Variants in RNF4 observed in about 807,000 individuals in gnomAD.
RNF4 encodes the protein ring finger protein 4.
RNF4 carries 7 observed loss-of-function variants against 24.3 expected under a neutral mutation model. The observed-to-expected ratio is 0.29, with a 90% confidence interval of 0.16 to 0.54. The LOEUF (loss-of-function observed/expected upper bound fraction) is 0.54, where lower values mean the gene tolerates loss of function less well. Ranked by LOEUF, RNF4 falls within the 20% of genes least tolerant of loss-of-function variation. RNF4 has a pLI of 0.95. For missense variants in RNF4, 209 were observed against 248.5 expected, an observed-to-expected ratio of 0.84 and a Z score of 1.07; for synonymous variants, 83 against 84.3, an observed-to-expected ratio of 0.98 and a Z score of 0.09.
At chr4:2,474,790 C>T (rs570863194) in intron 1 of RNF4, among the ~76,000 whole-genome samples, 6 of 152,136 alleles carry the variant, frequency 3.9e-5, no homozygotes, top group East Asian at 3.9e-4. Flanking sequence ...TTTAGGAGGC[C>T]GAGGCAGGCG....
intron 2 of RNF4, among the ~76,000 whole-genome samples, chr4:2,491,689 C>T (rs1168357485): frequency 1.3e-5 from 2 of 151,996 alleles, no homozygotes; most frequent in Admixed American, 1.3e-4. Context: ...TGATCTTGGC[C>T]TCCCAAAGTG....
chr4:2,475,120 C>T (rs1290384286), intron 1 of RNF4, among the ~76,000 whole-genome samples: 1 of 152,252 alleles, frequency 6.6e-6, no homozygotes, highest in Non-Finnish European at 1.5e-5. Flanking sequence ...CAAGACCCTT[C>T]ACCAGCAAAA....
intron 1 of RNF4, among the ~76,000 whole-genome samples, chr4:2,472,240 A>G (rs1459233796): frequency 6.6e-6 from 1 of 152,240 alleles, no homozygotes; most frequent in Non-Finnish European, 1.5e-5. Context: ...AAGCCTGTAT[A>G]GTAGCATATC....
chr4:2,490,571 A>G, intron 2 of RNF4, 69 bp downstream of exon 2: 3 of 1,521,210 alleles, frequency 2.0e-6, no homozygotes, highest in Non-Finnish European at 2.7e-6. Flanking sequence ...CTTGTAGCAC[A>G]TTAGTGAAAG....
intron 1 of RNF4, among the ~76,000 whole-genome samples, chr4:2,478,368 C>G (rs1414966937): frequency 6.6e-6 from 1 of 152,216 alleles, no homozygotes; most frequent in East Asian, 1.9e-4. Context: ...AACAGGGAGC[C>G]AAACGTTAAT....
In RNF4 at chr4:2,512,704, C is replaced by G; in HGVS notation, c.374+107C>G. 7.7e-7 allele frequency: 1 copy of G among 1,303,156 alleles called. No homozygotes were observed. The highest frequency in any genetic ancestry group is 1.4e-5 in the South Asian group (1 of 69,362). The allele number at this position is 1,303,156 out of a possible 1,614,324, so 80.7% of individuals were successfully genotyped here. A position where few individuals can be genotyped will look rare whatever the true frequency, so the allele number is the denominator to read the frequency against. On this transcript the variant is annotated intron_variant, in intron 6 of 7. Coordinates refer to ENST00000314289, the MANE Select transcript of RNF4 (RefSeq NM_002938.5). The surrounding 1 kb of genome is among the most constrained non-coding windows in gnomAD (Gnocchi z 4.1). The stretch of plus-strand genomic sequence containing the variant: ...AGCCCTTGGCCCTGGAAGGGCTTGC[C>G]CAAGCCTCTACCCAGCATCTGGATA...
chr4:2,490,417 G>C lies in RNF4; in HGVS notation c.-77G>C. The C allele has an allele frequency of 6.7e-7, 1 of 1,487,168 alleles. No individual in the cohort carries two copies. The highest frequency in any genetic ancestry group is 9.3e-7 in the Non-Finnish European group (1 of 1,077,348). The allele number at this position is 1,487,168 out of a possible 1,614,324, so 92.1% of individuals were successfully genotyped here. ...GTAACCAGAGGGCATGAAAGGTTGAGAACATTTGACTTCCCTGCAAACCTT... is the reference window on the plus strand; with the variant it reads ...GTAACCAGAGGGCATGAAAGGTTGACAACATTTGACTTCCCTGCAAACCTT... On this transcript the variant is annotated 5_prime_UTR_variant, in exon 2 of 8. Coordinates refer to ENST00000314289, the MANE Select transcript of RNF4 (RefSeq NM_002938.5).
chr4:2,496,708 C>T (rs1042116137), intron 2 of RNF4, among the ~76,000 whole-genome samples: 1 of 152,166 alleles, frequency 6.6e-6, no homozygotes, highest in Non-Finnish European at 1.5e-5. Flanking sequence ...ATTCGCCCAC[C>T]TCAGCCTCCG....
chr4:2,478,434 C>G (rs1735147258), intron 1 of RNF4, among the ~76,000 whole-genome samples: 1 of 152,214 alleles, frequency 6.6e-6, no homozygotes, highest in African/African-American at 2.4e-5. Flanking sequence ...TTCATGGCAG[C>G]CCCTCCCATC....
At chr4:2,482,243 A>G (rs1203184812) in intron 1 of RNF4, among the ~76,000 whole-genome samples, 2 of 152,188 alleles carry the variant, frequency 1.3e-5, no homozygotes, top group Non-Finnish European at 2.9e-5. Context: ...TATGGGTCAA[A>G]TAATCAGATT....
chr4:2,491,915 T>C (rs1351759125), intron 2 of RNF4, among the ~76,000 whole-genome samples: 1 of 150,628 alleles, frequency 6.6e-6, no homozygotes, highest in Non-Finnish European at 1.5e-5. Flanking sequence ...TAAGAAAAAA[T>C]TGGCCAGGTG....
chr4:2,475,400 G>A (rs376470731), intron 1 of RNF4, among the ~76,000 whole-genome samples: 1 of 152,034 alleles, frequency 6.6e-6, no homozygotes, highest in Non-Finnish European at 1.5e-5. Flanking sequence ...GTGCAGTGGC[G>A]CGATCTCGGC....
At chr4:2,478,484 G>T (rs1354469818) in intron 1 of RNF4, among the ~76,000 whole-genome samples, 1 of 152,194 alleles carries the variant, frequency 6.6e-6, no homozygotes, top group African/African-American at 2.4e-5. Flanking sequence ...GGTTTCCTGG[G>T]CTGGGCCCAG....
Position 2,497,941 on chromosome 4 carries a change from C to G in RNF4, c.124+820C>G, listed in dbSNP as rs151249254. 8.1e-3 allele frequency among the ~76,000 whole-genome samples: 1,238 copies of G among 152,216 alleles called. 19 individuals carry two copies. Among genetic ancestry groups the G allele is most frequent in the African/African-American group, 0.027 (1,139 of 41,530 alleles). On this transcript the variant is annotated intron_variant, in intron 3 of 7. Transcript: ENST00000314289. ...GAGCCACTGCACCCGGCCATGCAAA[C>G]TCGCGTTTTAAACAGAAGAAACTTA... is the stretch of plus-strand genomic sequence containing the variant.
chr4:2,509,568 A>G (rs965124095), intron 4 of RNF4, among the ~76,000 whole-genome samples: 2 of 152,100 alleles, frequency 1.3e-5, no homozygotes, highest in Non-Finnish European at 2.9e-5. Flanking sequence ...TTTTTCTCTC[A>G]TTAAAAGCGG....
intron 3 of RNF4, 95 bp from the exon 4 acceptor site, chr4:2,500,564 A>G: frequency 8.9e-7 from 1 of 1,122,296 alleles, no homozygotes; most frequent in South Asian, 1.4e-5. Flanking sequence ...AGTTTGGGGT[A>G]AGCCTATAAC....
intron 1 of RNF4, among the ~76,000 whole-genome samples, chr4:2,488,008 T>TG (rs1257020475): frequency 6.6e-6 from 1 of 152,240 alleles, no homozygotes. Flanking sequence ...CTGTACTTCT[T>TG]GCACACTTAG....
At chr4:2,485,685 C>T (rs1386880502) in intron 1 of RNF4, among the ~76,000 whole-genome samples, 1 of 152,168 alleles carries the variant, frequency 6.6e-6, no homozygotes, top group Non-Finnish European at 1.5e-5. Flanking sequence ...TTCTCTACCC[C>T]AGCTCCTCTT....
chr4:2,502,989 T>C (rs1209919460), intron 4 of RNF4, among the ~76,000 whole-genome samples: 2 of 152,098 alleles, frequency 1.3e-5, no homozygotes, highest in African/African-American at 2.4e-5. Flanking sequence ...TAGCTGAGAC[T>C]ACAGGTGCAT....
Sources: gnomAD v4.1 joint callset for allele counts (sites outside exome capture counted in the v4.1 genomes callset) on GRCh38, gnomAD v4.1.1 for gene constraint, Gnocchi (gnomAD v3.1) non-coding constraint, MANE v1.5 for transcripts, NCBI Gene and HGNC (gene_info 2026-07-23, HGNC 2026-07-21) for gene names.